VRK1: variants seen among roughly 807,000 people sequenced by gnomAD.
VRK1 encodes serine/threonine-protein kinase VRK1.
Under a neutral mutation model 57.1 loss-of-function variants are expected in VRK1, and 33 were observed. The observed-to-expected ratio is 0.58, with a 90% CI of 0.44 to 0.77. The LOEUF is 0.77. Ranked by LOEUF, VRK1 falls within the 30% of genes least tolerant of loss-of-function variation. The pLI, the probability that VRK1 is intolerant of heterozygous loss-of-function variation, is 0.00. For missense variants in VRK1, 413 were observed against 477.3 expected (o/e 0.87, Z 1.25); for synonymous variants, 137 against 147.8 (o/e 0.93, Z 0.53).
At chr14:96,872,744 C>T (rs1888872480) in intron 11 of VRK1, among the ~76,000 whole-genome samples, 1 of 152,152 alleles carries the variant, frequency 6.6e-6, no homozygotes, top group Admixed American at 6.5e-5. Flanking sequence ...TTAACTAAAT[C>T]TATTAGTTTC....
At chr14:96,824,810 C>T (rs963603848) in intron 1 of VRK1, among the ~76,000 whole-genome samples, 3 of 151,816 alleles carry the variant, frequency 2.0e-5, no homozygotes, top group African/African-American at 4.8e-5. Flanking sequence ...TCCACCACCA[C>T]GCCTGGCTTA....
intron 1 of VRK1, among the ~76,000 whole-genome samples, chr14:96,805,613 T>C (rs1024377892): frequency 4.6e-5 from 7 of 152,228 alleles, no homozygotes; most frequent in Non-Finnish European, 4.4e-5. Context: ...TAAGTCATTT[T>C]AAAAATAATC....
At chr14:96,853,956 A>G (rs1325234908) in intron 7 of VRK1, among the ~76,000 whole-genome samples, 1 of 152,030 alleles carries the variant, frequency 6.6e-6, no homozygotes, top group African/African-American at 2.4e-5. Context: ...TTTCTCTCAA[A>G]TGTACCTTTA....
At chr14:96,828,593 C>T (rs761130124) in intron 1 of VRK1, among the ~76,000 whole-genome samples, 17 of 152,068 alleles carry the variant, frequency 1.1e-4, no homozygotes, top group Admixed American at 4.6e-4. Context: ...TGCCCGATCT[C>T]GTCTAAATAT....
chr14:96,875,084 T>C (rs1888973043), intron 11 of VRK1, among the ~76,000 whole-genome samples: 1 of 152,196 alleles, frequency 6.6e-6, no homozygotes. Flanking sequence ...GATTAAAATT[T>C]GTATTTTAAC....
intron 5 of VRK1, among the ~76,000 whole-genome samples, chr14:96,848,205 G>A (rs1042409583): frequency 6.6e-6 from 1 of 152,048 alleles, no homozygotes. Flanking sequence ...TTGTGTGGTC[G>A]CCAGGTGGCT....
At chr14:96,872,579 T>C (rs960211224) in intron 11 of VRK1, among the ~76,000 whole-genome samples, 3 of 152,202 alleles carry the variant, frequency 2.0e-5, no homozygotes, top group Non-Finnish European at 4.4e-5. Context: ...AAAGCTCACA[T>C]AGGAGACCGC....
At chr14:96,869,379 G>T (rs913828820) in intron 11 of VRK1, among the ~76,000 whole-genome samples, 1 of 152,094 alleles carries the variant, frequency 6.6e-6, no homozygotes, top group Non-Finnish European at 1.5e-5. Flanking sequence ...AATAAACTAA[G>T]ATCTTAGATC....
At chr14:96,837,996 A>G (rs536759542) in intron 3 of VRK1, among the ~76,000 whole-genome samples, 179 bp downstream of exon 3, 16 of 152,236 alleles carry the variant, frequency 1.1e-4, no homozygotes, top group Non-Finnish European at 2.4e-4. Context: ...TTGAGTGTGA[A>G]AAGTTCCTCT....
chr14:96,820,849 G>T (rs1886571357), intron 1 of VRK1, among the ~76,000 whole-genome samples: 1 of 152,098 alleles, frequency 6.6e-6, no homozygotes, highest in South Asian at 2.1e-4. Context: ...GGATCGTTAG[G>T]CATTTGGCTT....
chr14:96,871,137 T>C (rs1033278361), intron 11 of VRK1, among the ~76,000 whole-genome samples: 1 of 152,214 alleles, frequency 6.6e-6, no homozygotes, highest in African/African-American at 2.4e-5. Context: ...CAGTAAATTC[T>C]TAATTTTTCA....
intron 4 of VRK1, among the ~76,000 whole-genome samples, chr14:96,846,581 A>T (rs961247336): frequency 6.6e-6 from 1 of 152,112 alleles, no homozygotes; most frequent in Admixed American, 6.6e-5. Context: ...TGGTATGAAA[A>T]ATAGGTCTTC....
At chr14:96,807,565 C>T (rs1885930444) in intron 1 of VRK1, among the ~76,000 whole-genome samples, 1 of 152,162 alleles carries the variant, frequency 6.6e-6, no homozygotes, top group East Asian at 1.9e-4. Context: ...AGATATAACA[C>T]TTTTCTTCTG....
intron 1 of VRK1, among the ~76,000 whole-genome samples, chr14:96,814,521 T>G (rs1169391097): frequency 1.3e-5 from 2 of 152,170 alleles, no homozygotes; most frequent in African/African-American, 2.4e-5. Flanking sequence ...AATTAATACA[T>G]GCACACAATA....
intron 11 of VRK1, among the ~76,000 whole-genome samples, chr14:96,863,402 TGTG>T (rs996076250): frequency 2.0e-5 from 3 of 152,326 alleles, no homozygotes; most frequent in Middle Eastern, 3.4e-3. Context: ...ATCAATGACA[TGTG>T]GTCCCATTCT....
intron 11 of VRK1, among the ~76,000 whole-genome samples, chr14:96,862,102 G>A (rs551758228): frequency 2.0e-5 from 2 of 100,034 alleles, no homozygotes; most frequent in Admixed American, 1.2e-4. Context: ...CCCTGTCCCC[G>A]CCCCTACCTT....
At chr14:96,880,947 G>A (rs184336797) in intron 12 of VRK1, among the ~76,000 whole-genome samples, 338 of 152,198 alleles carry the variant, frequency 2.2e-3, no homozygotes, top group South Asian at 7.5e-3. Flanking sequence ...CTTAAGAGAA[G>A]GTAGGTTTTG....
At chr14:96,821,299 A>T (rs1886586825) in intron 1 of VRK1, among the ~76,000 whole-genome samples, 1 of 152,104 alleles carries the variant, frequency 6.6e-6, no homozygotes, top group African/African-American at 2.4e-5. Flanking sequence ...CAAACTAAAT[A>T]GCTATAAAGA....
At chr14:96,807,937 T>C (rs8019258) in intron 1 of VRK1, among the ~76,000 whole-genome samples, 3 of 145,956 alleles carry the variant, frequency 2.1e-5, no homozygotes, top group Non-Finnish European at 4.5e-5. Flanking sequence ...GTCTCTCTCT[T>C]TCTCTGTCTC....
Sources: allele counts gnomAD v4.1 joint callset (sites outside exome capture counted in the v4.1 genomes callset), GRCh38; gene constraint gnomAD v4.1.1; transcripts MANE v1.5; gene names NCBI Gene and HGNC (gene_info 2026-07-23, HGNC 2026-07-21).